The following TNRC6B variants were observed in gnomAD, a reference collection of about 807,000 sequenced individuals.
The protein encoded by TNRC6B is trinucleotide repeat containing adaptor 6B.
A neutral mutation model predicts 203.6 loss-of-function variants in TNRC6B; 52 were observed. That is an observed-to-expected ratio of 0.26 (90% confidence interval 0.20 to 0.32). The LOEUF (loss-of-function observed/expected upper bound fraction) is 0.32. Among genes scored for constraint, TNRC6B ranks in the 10% least tolerant of loss-of-function variants. The probability of loss-of-function intolerance (pLI) is 1.00; values close to 1 mark genes in which losing one functional copy is unlikely to be tolerated. For missense variants in TNRC6B, 1,923 were observed against 2,286.2 expected, an observed-to-expected ratio of 0.84 and a Z score of 3.24; for synonymous variants, 838 against 845.7, an observed-to-expected ratio of 0.99 and a Z score of 0.16.
At chr22:40,239,820 G>T (rs2070003011) in intron 1 of TNRC6B, among the ~76,000 whole-genome samples, 1 of 151,982 alleles carries the variant, frequency 6.6e-6, no homozygotes, top group Admixed American at 6.6e-5. Context: ...TGTGAATATT[G>T]GGTATTTTCT....
intron 12 of TNRC6B, among the ~76,000 whole-genome samples, chr22:40,288,794 G>T (rs2070826583): frequency 6.7e-6 from 1 of 148,338 alleles, no homozygotes. Context: ...ACCCGCCCTG[G>T]CCTCCCAAAA....
intron 12 of TNRC6B, among the ~76,000 whole-genome samples, chr22:40,287,935 A>G (rs1406049244): frequency 6.6e-6 from 1 of 152,244 alleles, no homozygotes; most frequent in East Asian, 1.9e-4. Context: ...TCTGAGTCTT[A>G]AAGAATGAGT....
chr22:40,094,319 C>A (rs916753300), intron 1 of TNRC6B, among the ~76,000 whole-genome samples: 1 of 151,834 alleles, frequency 6.6e-6, no homozygotes, highest in East Asian at 1.9e-4. Context: ...AGAATGCTGC[C>A]AATTAATTGT....
chr22:40,287,545 C>T (rs1245465275), intron 12 of TNRC6B, among the ~76,000 whole-genome samples: 1 of 152,142 alleles, frequency 6.6e-6, no homozygotes, highest in East Asian at 1.9e-4. Context: ...TCTTCTTTCC[C>T]TCTAAGTTCC....
rs538093242 is a variant in TNRC6B, at chr22:40,091,697, A to G, written c.-120-25358A>G. ...CATTAAAACTAATGTGAAGGCAGGG[A>G]TACCAATAAGGGATACAGGTGAAAG... On this transcript the variant is annotated intron_variant, in intron 1 of 23. Coordinates refer to the TNRC6B transcript ENST00000301923. Among the ~76,000 whole-genome samples the G allele has an allele frequency of 8.1e-3, 1,231 of 152,324 alleles. 6 individuals are homozygous for G. Among genetic ancestry groups the G allele is most frequent in the Admixed American group, 0.013 (193 of 15,300 alleles).
chr22:40,280,350 G>C (rs1054437918), intron 10 of TNRC6B, among the ~76,000 whole-genome samples: 1 of 152,218 alleles, frequency 6.6e-6, no homozygotes, highest in Non-Finnish European at 1.5e-5. Flanking sequence ...TCTTTAGCAT[G>C]TGTGTATTAG....
At chr22:40,232,084 T>C (rs1170873224) in intron 1 of TNRC6B, among the ~76,000 whole-genome samples, 1 of 152,150 alleles carries the variant, frequency 6.6e-6, no homozygotes, top group Admixed American at 6.5e-5. Flanking sequence ...ACGGTATTAA[T>C]AGAGATACAT....
At chr22:40,238,857 A>G (rs572247067) in intron 1 of TNRC6B, among the ~76,000 whole-genome samples, 9 of 152,214 alleles carry the variant, frequency 5.9e-5, no homozygotes, top group Non-Finnish European at 1.0e-4. Context: ...TGTAAGTCAC[A>G]TGAGAGCCAA....
chr22:40,242,477 C>G (rs1316658624), intron 1 of TNRC6B, among the ~76,000 whole-genome samples: 1 of 151,776 alleles, frequency 6.6e-6, no homozygotes, highest in Non-Finnish European at 1.5e-5. Context: ...GTTGCCCAGG[C>G]TGGAGTGCAG....
intron 3 of TNRC6B, chr22:40,253,442 A>G: frequency 2.4e-6 from 1 of 415,626 alleles, no homozygotes; most frequent in South Asian, 1.8e-5. Flanking sequence ...ACCTATTCTC[A>G]AACACACTCT....
chr22:40,258,503 T>C (rs1451276658), intron 3 of TNRC6B, among the ~76,000 whole-genome samples: 1 of 152,198 alleles, frequency 6.6e-6, no homozygotes, highest in Non-Finnish European at 1.5e-5. Context: ...ATTTAAAAAA[T>C]AGAGTAAGAA....
chr22:40,222,473 A>C (rs1177671559), intron 1 of TNRC6B, among the ~76,000 whole-genome samples: 4 of 152,096 alleles, frequency 2.6e-5, no homozygotes, highest in African/African-American at 9.7e-5. Flanking sequence ...CTCAAGGAGG[A>C]ATCCTAGGGT....
At chr22:40,145,777 G>T (rs2068689341) in intron 3 of TNRC6B, among the ~76,000 whole-genome samples, 1 of 152,134 alleles carries the variant, frequency 6.6e-6, no homozygotes, top group South Asian at 2.1e-4. Context: ...AGGAGGCAGA[G>T]GTTGCAGTGA....
chr22:40,288,019 A>G (rs987929455), intron 12 of TNRC6B, among the ~76,000 whole-genome samples: 13 of 152,270 alleles, frequency 8.5e-5, no homozygotes, highest in Non-Finnish European at 7.3e-5. Context: ...GGGCAATAAT[A>G]TCTAGAAGAA....
chr22:40,167,966 G>T (rs201574678), intron 4 of TNRC6B, among the ~76,000 whole-genome samples: 1 of 152,120 alleles, frequency 6.6e-6, no homozygotes, highest in Non-Finnish European at 1.5e-5. Context: ...AAGTGAGGGG[G>T]CCTGCAGGTT....
chr22:40,052,510 G>A (rs5995798), intron 1 of TNRC6B, among the ~76,000 whole-genome samples: 3,598 of 138,032 alleles, frequency 0.026, 158 homozygotes, highest in African/African-American at 0.093. Context: ...AGGCCGGAGT[G>A]CAGTGGCATA....
chr22:40,243,565 T>C (rs2070061745), intron 1 of TNRC6B, among the ~76,000 whole-genome samples: 1 of 152,194 alleles, frequency 6.6e-6, no homozygotes, highest in African/African-American at 2.4e-5. Context: ...ACTTACCCCT[T>C]TTTTTACATT....
chr22:40,321,264 A>G, intron 22 of TNRC6B, 35 bp downstream of exon 22: 2 of 1,603,698 alleles, frequency 1.2e-6, no homozygotes, highest in Non-Finnish European at 1.7e-6. Flanking sequence ...GTAGACAAAC[A>G]TGCATGAAGA....
In TNRC6B at chr22:40,304,349, G is replaced by A. The variant is rs143041697; in HGVS notation, c.4120+3016G>A. Among the ~76,000 whole-genome samples the A allele has an allele frequency of 3.6e-3, 555 of 152,198 alleles. 6 individuals are homozygous for A. Among genetic ancestry groups the A allele is most frequent in the Admixed American group, 5.6e-3 (85 of 15,294 alleles). ...AATATACCTAATTGAGGTTGAGTGC[G>A]TGGCTCATGCCTGGTAATCCCAGCA... On this transcript the variant is annotated intron_variant, in intron 15 of 22. Transcript: ENST00000454349.
Sources: gnomAD v4.1 joint callset for allele counts (sites outside exome capture counted in the v4.1 genomes callset) on GRCh38, gnomAD v4.1.1 for gene constraint, MANE v1.5 for transcripts, NCBI Gene and HGNC (gene_info 2026-07-23, HGNC 2026-07-21) for gene names.